Variants in SEC24B observed in about 807,000 individuals in gnomAD.
SEC24B encodes the protein SEC24 homolog B, COPII component.
Under a neutral mutation model 142.8 loss-of-function variants are expected in SEC24B, and 45 were observed. The ratio of observed to expected loss-of-function variants is 0.32; its 90% CI spans 0.25 to 0.40. SEC24B has a LOEUF of 0.40. Among genes scored for constraint, SEC24B ranks in the 10% least tolerant of loss-of-function variants. The pLI is 1.00. For synonymous variants in SEC24B, 574 were observed against 568.2 expected, an observed-to-expected ratio of 1.01 and a Z score of -0.15; for missense variants, 1,409 against 1,526.8, an observed-to-expected ratio of 0.92 and a Z score of 1.29.
chr4:109,464,200 G>A (rs1296770022), intron 2 of SEC24B, among the ~76,000 whole-genome samples: 1 of 152,126 alleles, frequency 6.6e-6, no homozygotes, highest in East Asian at 1.9e-4. Context: ...GATGCATGAA[G>A]AATACCCTGG....
intron 22 of SEC24B, 76 bp from the exon 23 acceptor site, chr4:109,538,417 A>C: frequency 2.2e-6 from 2 of 913,644 alleles, no homozygotes; most frequent in Non-Finnish European, 3.6e-6. Context: ...GGGTGATGGT[A>C]GGAATCATGA....
intron 1 of SEC24B, among the ~76,000 whole-genome samples, chr4:109,434,551 G>A (rs1191323789): frequency 6.6e-6 from 1 of 152,202 alleles, no homozygotes; most frequent in Admixed American, 6.5e-5. Flanking sequence ...GGAAACTTAA[G>A]TTTGCACTCA....
At chr4:109,525,792 A>T (rs770626140) in intron 16 of SEC24B, among the ~76,000 whole-genome samples, 1 of 152,160 alleles carries the variant, frequency 6.6e-6, no homozygotes, top group Non-Finnish European at 1.5e-5. Flanking sequence ...AAGATCTTAA[A>T]TAAGAATTGT....
At chr4:109,469,210 A>G (rs563518070) in intron 2 of SEC24B, among the ~76,000 whole-genome samples, 26 of 152,346 alleles carry the variant, frequency 1.7e-4, no homozygotes, top group African/African-American at 6.3e-4. Context: ...GCAGCAGTGC[A>G]TTTCGCGTAG....
At chr4:109,459,567 C>T (rs971446579) in intron 1 of SEC24B, among the ~76,000 whole-genome samples, 1 of 152,024 alleles carries the variant, frequency 6.6e-6, no homozygotes, top group Non-Finnish European at 1.5e-5. Flanking sequence ...AGTAAGCATC[C>T]ACATATGATT....
chr4:109,527,929 A>C (rs912324875), intron 18 of SEC24B, among the ~76,000 whole-genome samples: 1 of 152,216 alleles, frequency 6.6e-6, no homozygotes, highest in Non-Finnish European at 1.5e-5. Flanking sequence ...GGGAATTCAT[A>C]ATCTCTAAAA....
intron 2 of SEC24B, among the ~76,000 whole-genome samples, chr4:109,471,904 C>G (rs1387720192): frequency 6.6e-6 from 1 of 152,110 alleles, no homozygotes; most frequent in African/African-American, 2.4e-5. Flanking sequence ...AGGGTTTGCT[C>G]TGATTCAAAG....
chr4:109,461,768 A>G (rs114122681), intron 1 of SEC24B, among the ~76,000 whole-genome samples: 2,249 of 152,288 alleles, frequency 0.015, 38 homozygotes, highest in African/African-American at 0.038. Context: ...AATTTTTTCT[A>G]CAGTGGGTAT....
rs574218983 is a variant in SEC24B, at chr4:109,516,715, G to A, written c.2126+75G>A. The A allele has an allele frequency of 1.4e-4, 113 of 805,414 alleles. No individual in the cohort carries two copies. In the African/African-American group the frequency reaches 1.8e-3, roughly 13 times the overall value. The allele number at this position is 805,414 out of a possible 1,614,324, so 49.9% of individuals were successfully genotyped here. A position where few individuals can be genotyped will look rare whatever the true frequency, so the allele number is the denominator to read the frequency against. ...AAATGTGTATAAATATGAAGTGTTC[G>A]CAGTTTGTGGGATTGGGTTTGGTTG... On this transcript the variant is annotated intron_variant, in intron 11 of 23. Transcript: ENST00000265175.
intron 3 of SEC24B, among the ~76,000 whole-genome samples, chr4:109,481,339 C>CA (rs1373912231): frequency 1.3e-5 from 2 of 152,170 alleles, no homozygotes; most frequent in Non-Finnish European, 2.9e-5. Context: ...AAATATACCA[C>CA]AGGGCCATAA....
At chr4:109,459,442 A>T (rs1482819095) in intron 1 of SEC24B, among the ~76,000 whole-genome samples, 2 of 152,226 alleles carry the variant, frequency 1.3e-5, no homozygotes, top group South Asian at 2.1e-4. Context: ...TCAGTAATTT[A>T]AAAATACTGA....
chr4:109,442,511 G>A (rs1240788014), intron 1 of SEC24B, among the ~76,000 whole-genome samples: 2 of 152,056 alleles, frequency 1.3e-5, no homozygotes, highest in Admixed American at 6.6e-5. Flanking sequence ...CTCAAAGTTA[G>A]TATGAATTTA....
In SEC24B at chr4:109,526,376, C is replaced by A; in HGVS notation, c.2942C>A (p.Ala981Asp). 6.2e-7 allele frequency: 1 copy of A among 1,612,752 alleles called. No homozygotes were observed. Among genetic ancestry groups the A allele is most frequent in the Non-Finnish European group, 8.5e-7 (1 of 1,179,168 alleles). ...TDTSLVCFQTALLYTSSKGER... is the reference protein window; with the variant it reads ...TDTSLVCFQTDLLYTSSKGER... ...ACTTCCTTAGTATGTTTTCAAACAG[C>A]CCTATTATATACATCAAGCAAAGGT... The change falls in exon 17 of 24, where the codon GCC becomes GAC. Residue 981 changes from alanine to aspartate, a missense_variant. Physicochemically the swap from Ala to Asp is moderately radical, Grantham distance 126. Transcript: ENST00000265175.
In SEC24B at chr4:109,510,015, T is replaced by C; in HGVS notation, c.1680T>C (p.Phe560=). ...LKKLNCSPDS[F]RCTLTNIPQT... is the part of the protein sequence containing the mutation. ...TTGTTTATGTTTTTTGCAGTTCATT[T>C]CGGTGTACTTTGACAAATATTCCAC... is the stretch of plus-strand genomic sequence containing the variant. The change falls in exon 8 of 24, where the codon TTT becomes TTC. Residue 560 remains phenylalanine, a synonymous_variant. Coordinates refer to ENST00000265175, the MANE Select transcript of SEC24B (RefSeq NM_006323.5). The C allele has an allele frequency of 6.3e-7, 1 of 1,598,518 alleles. No individual in the cohort carries two copies. The highest frequency in any genetic ancestry group is 8.5e-7 in the Non-Finnish European group (1 of 1,173,286).
intron 3 of SEC24B, among the ~76,000 whole-genome samples, chr4:109,476,072 T>C (rs1733104813): frequency 6.6e-6 from 1 of 151,740 alleles, no homozygotes; most frequent in South Asian, 2.1e-4. Context: ...CTGCAGCCTC[T>C]GCCTCCCAGA....
chr4:109,538,055 C>T (rs573745087), intron 22 of SEC24B, among the ~76,000 whole-genome samples: 2 of 152,096 alleles, frequency 1.3e-5, no homozygotes, highest in East Asian at 3.9e-4. Context: ...AATTCTTTGC[C>T]TTTAAATTAA....
intron 5 of SEC24B, 45 bp from the exon 6 acceptor site, chr4:109,494,570 A>C (rs1250529583): frequency 1.2e-6 from 2 of 1,608,022 alleles, no homozygotes; most frequent in Admixed American, 1.7e-5. Context: ...GTCTTTGTGG[A>C]GTCTTGATTT....
rs1333335914 is a variant in SEC24B, at chr4:109,433,900, G to A, written c.31G>A (p.Ala11Thr). 1.3e-5 allele frequency: 18 copies of A among 1,339,924 alleles called. No homozygotes were observed. The highest frequency in any genetic ancestry group is 1.6e-5 in the Non-Finnish European group (17 of 1,042,270). 83.0% of individuals were successfully genotyped at this position (1,339,924 alleles called of 1,614,324 possible). Reference protein sequence around the residue: MSAPAGSSHPAASARIPPKFG... With the variant: MSAPAGSSHPTASARIPPKFG... Reference sequence around the variant, plus strand: ...GGCCCCCGCCGGGTCCTCTCACCCGGCCGCCAGCGCCCGGATCCCGCCCAA... The same window carrying A: ...GGCCCCCGCCGGGTCCTCTCACCCGACCGCCAGCGCCCGGATCCCGCCCAA... Residue 11 changes from alanine to threonine, a missense_variant, in exon 1 of 24, where the codon GCC becomes ACC. Physicochemically the swap from Ala to Thr is moderately conservative, Grantham distance 58 (BLOSUM62 0). Transcript: ENST00000265175.
At chr4:109,509,952 T>G in intron 7 of SEC24B, 57 bp from the exon 8 acceptor site, 1 of 1,021,330 alleles carries the variant, frequency 9.8e-7, no homozygotes, top group Non-Finnish European at 1.5e-6. Flanking sequence ...TCTTATCTAC[T>G]TCAGTGTATT....
Sources: gnomAD v4.1 joint callset for allele counts (sites outside exome capture counted in the v4.1 genomes callset) on GRCh38, gnomAD v4.1.1 for gene constraint, MANE v1.5 for transcripts, NCBI Gene and HGNC (gene_info 2026-07-23, HGNC 2026-07-21) for gene names.